The following SERF2 variants were observed in gnomAD, a reference collection of about 807,000 sequenced individuals.
The protein encoded by SERF2 is gastric cancer-related protein VRG107.
A neutral mutation model predicts 10.7 loss-of-function variants in SERF2; 4 were observed. The ratio of observed to expected loss-of-function variants is 0.37; its 90% CI spans 0.18 to 0.86. SERF2 has a LOEUF of 0.86. Among genes scored for constraint, SERF2 ranks in the 40% least tolerant of loss-of-function variants. SERF2 has a pLI of 0.43. For synonymous variants in SERF2, 26 were observed against 26.0 expected, an observed-to-expected ratio of 1.00 and a Z score of 0.01; for missense variants, 47 against 79.1, an observed-to-expected ratio of 0.59 and a Z score of 1.54.
chr15:43,793,546 G>T, intron 2 of SERF2, 164 bp from the exon 3 acceptor site: 1 of 1,490,920 alleles, frequency 6.7e-7, no homozygotes. Flanking sequence ...CGCCTTTTGA[G>T]CCTCAGCTCT....
intron 1 of SERF2, among the ~76,000 whole-genome samples, chr15:43,783,119 T>TG (rs2086977924): frequency 6.6e-6 from 1 of 151,162 alleles, no homozygotes; most frequent in Non-Finnish European, 1.5e-5. Flanking sequence ...GCCACTCTCC[T>TG]GCCTCAGCCT....
In SERF2 at chr15:43,795,651, A is replaced by G. The variant is rs372346641; in HGVS notation, c.*1878A>G. ...AGGGTTCTTATGGCACTCCACAGAG[A>G]TCTACCACTTCTTATGGTTCCTCAC... is the stretch of plus-strand genomic sequence containing the variant. On this transcript the variant is annotated 3_prime_UTR_variant, in exon 3 of 3. Coordinates refer to ENST00000249786, the MANE Select transcript of SERF2 (RefSeq NM_001018108.4). 3 of 1,612,236 alleles carry G rather than the reference A, an allele frequency of 1.9e-6. No homozygotes were observed. The African/African-American group carries it at 4.0e-5, about 22-fold the overall frequency.
At chr15:43,787,064 C>T (rs1441692865) in intron 2 of SERF2, among the ~76,000 whole-genome samples, 2 of 147,172 alleles carry the variant, frequency 1.4e-5, no homozygotes, top group Non-Finnish European at 3.0e-5. Flanking sequence ...AGTGGCGCTC[C>T]ACTCGGCTTA....
At position 43,796,040 on chromosome 15, in the gene SERF2, A is replaced by C; in HGVS notation, c.*2267A>C. 3.7e-6 allele frequency: 3 copies of C among 802,868 alleles called. No homozygotes were observed. Among genetic ancestry groups the C allele is most frequent in the Non-Finnish European group, 6.4e-6 (3 of 469,048 alleles). 49.7% of individuals were successfully genotyped at this position (802,868 alleles called of 1,614,324 possible). A position where few individuals can be genotyped will look rare whatever the true frequency, so the allele number is the denominator to read the frequency against. ...TTGCCTAGCACATTGTGGGTACTCA[A>C]TAAAAGGTAACAGCAGCTATAATCT... On this transcript the variant is annotated 3_prime_UTR_variant, in exon 3 of 3. Transcript: ENST00000249786.
chr15:43,785,926 G>A (rs1293398384), intron 2 of SERF2, among the ~76,000 whole-genome samples: 1 of 151,302 alleles, frequency 6.6e-6, no homozygotes, highest in Non-Finnish European at 1.5e-5. Context: ...GGCTGGTCTT[G>A]TACTCCTGAC....
In SERF2 at chr15:43,793,089, C is replaced by T; in HGVS notation, c.116+6C>T. 6.3e-7 allele frequency: 1 copy of T among 1,594,042 alleles called. No homozygotes were observed. The highest frequency in any genetic ancestry group is 1.1e-5 in the South Asian group (1 of 90,364). ...GCTGCCGCCCGCAAGCAGAGGTAGC[C>T]CCAGGGAGGGGAGGGAAAGGGACGG... On this transcript the variant is annotated splice_donor_region_variant and intron_variant, in intron 2 of 2. Transcript: ENST00000249786.
chr15:43,794,007 T>G lies in SERF2; in HGVS notation c.*234T>G. 1 of 1,476,086 alleles carries G rather than the reference T, an allele frequency of 6.8e-7. No homozygotes were observed. Among genetic ancestry groups the G allele is most frequent in the Non-Finnish European group, 9.0e-7 (1 of 1,114,274 alleles). 91.4% of individuals were successfully genotyped at this position (1,476,086 alleles called of 1,614,324 possible). A position where few individuals can be genotyped will look rare whatever the true frequency, so the allele number is the denominator to read the frequency against. ...CCCTTCCCAGTGTTTTTTATTCCTG[T>G]GGGGCTCACCCCAAAGTATTAAAAG... On this transcript the variant is annotated 3_prime_UTR_variant, in exon 3 of 3. Transcript: ENST00000249786.
In SERF2 at chr15:43,793,064, G is replaced by T. The variant is rs1354200529; in HGVS notation, c.97G>T (p.Ala33Ser). Residue 33 changes from alanine (A) to serine (S), a missense_variant, in exon 2 of 3, where the codon GCT (alanine) becomes TCT (serine). Physicochemically the swap from Ala to Ser is moderately conservative, Grantham distance 99. Coordinates refer to ENST00000249786, the MANE Select transcript of SERF2 (RefSeq NM_001018108.4). ...KGKRRDDGLS[A>S]AARKQRDSEI... ...AAAGCGCCGAGATGACGGGCTTTCT[G>T]CTGCCGCCCGCAAGCAGAGGTAGCC... 1 of 1,611,454 alleles carries T rather than the reference G, an allele frequency of 6.2e-7. No individual in the cohort carries two copies. Among genetic ancestry groups the T allele is most frequent in the South Asian group, 1.1e-5 (1 of 90,912 alleles).
rs1225797666 is a variant in SERF2 at position 43,792,422 on chromosome 15, C to A, written c.7+39C>A. On this transcript the variant is annotated intron_variant, in intron 1 of 2. Coordinates refer to ENST00000249786, the MANE Select transcript of SERF2 (RefSeq NM_001018108.4). ...CCCCTTCTCCTTGCCCTTTTCTTTC[C>A]GTTCACCCTAAACACCACCGGCGAG... The A allele has an allele frequency of 2.5e-6, 4 of 1,613,870 alleles. No homozygotes were observed. In the South Asian group the frequency reaches 4.4e-5, roughly 18 times the overall value.
At chr15:43,792,652 C>G (rs2087090417) in intron 1 of SERF2, 6 of 1,374,524 alleles carry the variant, frequency 4.4e-6, no homozygotes, top group Non-Finnish European at 5.7e-6. Flanking sequence ...GCCCAGAGCC[C>G]CCACTCCACA....
rs2087083657 is a variant in SERF2, at chr15:43,792,448, G to A, written c.7+65G>A. 2.5e-6 allele frequency: 4 copies of A among 1,613,202 alleles called. No individual in the cohort carries two copies. In the African/African-American group the frequency reaches 5.3e-5, roughly 22 times the overall value. ...GTTCACCCTAAACACCACCGGCGAG[G>A]CGCCGGCTTTGACCTTCCGTAGCTT... On this transcript the variant is annotated intron_variant, in intron 1 of 2. Transcript: ENST00000249786.
chr15:43,790,503 CCTGTAATCCTTGCA>C (rs2087046535), upstream of SERF2, among the ~76,000 whole-genome samples: 1 of 152,012 alleles, frequency 6.6e-6, no homozygotes, highest in Non-Finnish European at 1.5e-5. Context: ...GTGGCTCACA[CCTGTAATCCTTGCA>C]CTTTGGGGGG....
intron 1 of SERF2, among the ~76,000 whole-genome samples, chr15:43,782,468 C>T (rs946081164): frequency 1.1e-4 from 17 of 152,092 alleles, no homozygotes; most frequent in Admixed American, 4.6e-4. Context: ...ATTCTCATAC[C>T]CTCTTCTAGG....
At chr15:43,779,967 G>T (rs144061299) in intron 1 of SERF2, among the ~76,000 whole-genome samples, 28 of 152,134 alleles carry the variant, frequency 1.8e-4, no homozygotes, top group African/African-American at 6.7e-4. Context: ...AATATTGTTT[G>T]CATTCAGCAC....
At chr15:43,781,752 T>G (rs1020510275) in intron 1 of SERF2, among the ~76,000 whole-genome samples, 2 of 151,778 alleles carry the variant, frequency 1.3e-5, no homozygotes, top group African/African-American at 4.8e-5. Flanking sequence ...TGGCTGATTT[T>G]TGTATTTTCA....
chr15:43,786,515 C>A (rs1263308934), intron 2 of SERF2, among the ~76,000 whole-genome samples: 5 of 152,020 alleles, frequency 3.3e-5, no homozygotes, highest in Non-Finnish European at 7.4e-5. Context: ...TATGTAAGGC[C>A]TAAGTTCATC....
chr15:43,786,270 C>T (rs2087006232), intron 2 of SERF2, among the ~76,000 whole-genome samples: 1 of 151,710 alleles, frequency 6.6e-6, no homozygotes, highest in Admixed American at 6.6e-5. Flanking sequence ...AAAAAATTAG[C>T]CAGGTGTGGT....
In SERF2 at chr15:43,794,642, G is replaced by C. The variant is rs930902950; in HGVS notation, c.*869G>C. 11 of 218,208 alleles carry C rather than the reference G, an allele frequency of 5.0e-5. No homozygotes were observed. Among genetic ancestry groups the C allele is most frequent in the Middle Eastern group, 1.8e-3 (1 of 562 alleles). The allele number at this position is 218,208 out of a possible 1,614,324, so 13.5% of individuals were successfully genotyped here. On this transcript the variant is annotated 3_prime_UTR_variant, in exon 3 of 3. Transcript: ENST00000249786. Reference sequence around the variant, plus strand: ...AACTCCTTATTTTCCTTTCTCCAAGGGCAGAGCCGAGTCTTCAGTCCCTGT... The same window carrying C: ...AACTCCTTATTTTCCTTTCTCCAAGCGCAGAGCCGAGTCTTCAGTCCCTGT...
chr15:43,785,023 G>A (rs1474029725), intron 1 of SERF2, among the ~76,000 whole-genome samples: 1 of 151,178 alleles, frequency 6.6e-6, no homozygotes, highest in Non-Finnish European at 1.5e-5. Flanking sequence ...AAAGTGCTGG[G>A]ATTACAGGCG....
Sources: gnomAD v4.1 joint callset for allele counts (sites outside exome capture counted in the v4.1 genomes callset) on GRCh38, gnomAD v4.1.1 for gene constraint, MANE v1.5 for transcripts, NCBI Gene and HGNC (gene_info 2026-07-23, HGNC 2026-07-21) for gene names.